The following PLXND1 variants were observed in gnomAD, a reference collection of about 807,000 sequenced individuals.
PLXND1 encodes plexin-D1.
A neutral mutation model predicts 197.7 loss-of-function variants in PLXND1; 54 were observed. The ratio of observed to expected loss-of-function variants is 0.27; its 90% CI spans 0.22 to 0.34. The LOEUF is 0.34. Among genes scored for constraint, PLXND1 ranks in the 10% least tolerant of loss-of-function variants. The pLI, the probability that PLXND1 is intolerant of heterozygous loss-of-function variation, is 1.00. For synonymous variants in PLXND1, 1,180 were observed against 1,161.2 expected, an observed-to-expected ratio of 1.02 and a Z score of -0.33; for missense variants, 2,127 against 2,699.2, an observed-to-expected ratio of 0.79 and a Z score of 4.70.
rs1279339390 is a variant in PLXND1, at chr3:129,557,087, G to A, written c.5582C>T (p.Ser1861Leu). The A allele has an allele frequency of 6.2e-7, 1 of 1,613,442 alleles. No homozygotes were observed. The highest frequency in any genetic ancestry group is 1.1e-5 in the South Asian group (1 of 91,026). Residue 1861 changes from serine to leucine, a missense_variant, in exon 34 of 36, where the codon TCG becomes TTG. Physicochemically the swap from Ser to Leu is moderately radical, Grantham distance 145. This residue lies in a region of PLXND1 where 200 missense variants were observed against 303.3 expected (regional missense o/e 0.66). Coordinates refer to ENST00000324093, the MANE Select transcript of PLXND1 (RefSeq NM_015103.3). This position sits in a 1 kb window ranked among gnomAD's most constrained non-coding sequence, Gnocchi z 4.8. ...CCCGCCGCCGAGCCACCGCACCCTCGACTCCTCGGCCAGATGGGCATTCAT... is the reference window on the plus strand; with the variant it reads ...CCCGCCGCCGAGCCACCGCACCCTCAACTCCTCGGCCAGATGGGCATTCAT... The part of the protein sequence containing the change: ...QEMNAHLAEE[S>L]RKYQNEFNTN...
At chr3:129,602,529 C>T (rs1040214417) in intron 1 of PLXND1, among the ~76,000 whole-genome samples, 5 of 152,220 alleles carry the variant, frequency 3.3e-5, no homozygotes, top group Non-Finnish European at 5.9e-5. Flanking sequence ...GTCCTCGGCT[C>T]ACCTGCCCAG....
In PLXND1 at chr3:129,565,523, C is replaced by T. The variant is rs146537197; in HGVS notation, c.4338G>A (p.Ser1446=). 5.6e-6 allele frequency: 9 copies of T among 1,613,276 alleles called. No individual in the cohort carries two copies. Among genetic ancestry groups the T allele is most frequent in the African/African-American group, 1.3e-5 (1 of 75,042 alleles). The change falls in exon 25 of 36, where the codon TCG becomes TCA. Residue 1446 remains serine, a synonymous_variant. Coordinates refer to ENST00000324093, the MANE Select transcript of PLXND1 (RefSeq NM_015103.3). ...FAVRDRCSLA[S]LLTIALHGKL... is the part of the protein sequence containing the mutation. ...TGCCGTGCAGCGCGATGGTCAGCAG[C>T]GAGGCCAGGCTGCACCTGTGAGCGG...
intron 15 of PLXND1, 100 bp downstream of exon 15, chr3:129,572,509 C>T (rs753666693): frequency 1.2e-5 from 13 of 1,090,242 alleles, no homozygotes; most frequent in South Asian, 1.9e-5. Context: ...AATGAAGACC[C>T]AAGAGAGGCT....
At chr3:129,601,882 C>T (rs1465252802) in intron 1 of PLXND1, among the ~76,000 whole-genome samples, 1 of 152,218 alleles carries the variant, frequency 6.6e-6, no homozygotes, top group Non-Finnish European at 1.5e-5. Context: ...GAGAACAAGG[C>T]CGGCCCCATC....
chr3:129,599,851 C>T (rs1336711555), intron 1 of PLXND1, among the ~76,000 whole-genome samples: 1 of 152,230 alleles, frequency 6.6e-6, no homozygotes, highest in African/African-American at 2.4e-5. Flanking sequence ...AAGAGGACTC[C>T]TGCTTCTATC....
intron 22 of PLXND1, 76 bp from the exon 23 acceptor site, chr3:129,566,707 A>T: frequency 1.1e-6 from 1 of 873,630 alleles, no homozygotes; most frequent in Non-Finnish European, 1.8e-6. Flanking sequence ...TCACACAGAA[A>T]GGGGCACTGG....
At chr3:129,593,604 C>CA (rs1217844955) in intron 1 of PLXND1, among the ~76,000 whole-genome samples, 1 of 152,188 alleles carries the variant, frequency 6.6e-6, no homozygotes, top group Admixed American at 6.5e-5. Flanking sequence ...GGAATGTTTA[C>CA]AAAAGAAAGG....
intron 34 of PLXND1, 172 bp from the exon 35 acceptor site, chr3:129,556,863 G>T: frequency 1.5e-6 from 1 of 689,514 alleles, no homozygotes; most frequent in Non-Finnish European, 2.5e-6. Context: ...GGACCCTGAA[G>T]TCCAATCTCC....
chr3:129,572,800 C>T lies in PLXND1; in HGVS notation c.2937+42G>A, dbSNP rs145993126. ...CCTCGGGCCAGCCCCCGGGAGTGTGCGTGCTGGGCGGGCCGGACAGTGGGC... is the reference window on the plus strand; with the variant it reads ...CCTCGGGCCAGCCCCCGGGAGTGTGTGTGCTGGGCGGGCCGGACAGTGGGC... On this transcript the variant is annotated intron_variant, in intron 14 of 35. Transcript: ENST00000324093. 840 of 1,611,456 alleles carry T rather than the reference C, an allele frequency of 5.2e-4. 4 individuals carry two copies. In the African/African-American group the frequency reaches 8.9e-3, roughly 17 times the overall value.
intron 32 of PLXND1, 168 bp downstream of exon 32, chr3:129,559,452 A>G: frequency 1.7e-6 from 1 of 584,704 alleles, no homozygotes; most frequent in Non-Finnish European, 3.0e-6. Context: ...AGTGGAGGGG[A>G]AACTGAAGCA....
In PLXND1 at chr3:129,558,152, G is replaced by C. The variant is rs76262385; in HGVS notation, c.5445+276C>G. 7.2e-5 allele frequency among the ~76,000 whole-genome samples: 11 copies of C among 152,330 alleles called. No homozygotes were observed. The highest frequency in any genetic ancestry group is 2.4e-4 in the African/African-American group (10 of 41,568). On this transcript the variant is annotated intron_variant, in intron 33 of 35. Transcript: ENST00000324093. The surrounding 1 kb of genome is among the most constrained non-coding windows in gnomAD (Gnocchi z 4.1). The stretch of plus-strand genomic sequence containing the variant: ...GCTCATACTGGCTTTCCCACACCGG[G>C]TTCTCAGGCCTGTGTTCAAAGCCAG...
intron 29 of PLXND1, chr3:129,561,172 C>T: frequency 2.2e-6 from 1 of 464,424 alleles, no homozygotes; most frequent in South Asian, 1.6e-5. Flanking sequence ...CCCAGAGCTC[C>T]TGCCAGCCCA....
Position 129,571,273 on chromosome 3 carries a change from T to C in PLXND1, c.3367A>G (p.Thr1123Ala), listed in dbSNP as rs1292149795. Reference protein sequence around the residue: ...LCKVLNSTLITCPSPGALSNA... With the variant: ...LCKVLNSTLIACPSPGALSNA... ...CTCAGGGCCCCGGGGGACGGGCAGG[T>C]GATGAGGGTGGAGTTGAGAACCTTG... The change falls in exon 18 of 36, where the codon ACC becomes GCC. Residue 1123 changes from threonine to alanine, a missense_variant. Thr to Ala is a moderately conservative substitution (Grantham distance 58). Around this residue, in one of 6 missense-constraint regions of PLXND1, gnomAD observed 532 missense variants for 811.0 expected, o/e 0.66. Coordinates refer to ENST00000324093, the MANE Select transcript of PLXND1 (RefSeq NM_015103.3). 1 of 1,613,218 alleles carries C rather than the reference T, an allele frequency of 6.2e-7. No homozygotes were observed. The highest frequency in any genetic ancestry group is 8.5e-7 in the Non-Finnish European group (1 of 1,179,708).
At chr3:129,571,632 T>C (rs1349904676) in intron 16 of PLXND1, 33 bp from the exon 17 acceptor site, 2 of 1,613,718 alleles carry the variant, frequency 1.2e-6, no homozygotes. Context: ...TCAGTGCACC[T>C]GCAGCCCCAG....
At chr3:129,576,938 C>T (rs1178652640) in intron 9 of PLXND1, among the ~76,000 whole-genome samples, 8 of 152,136 alleles carry the variant, frequency 5.3e-5, no homozygotes, top group Admixed American at 2.0e-4. Context: ...TTGTGTATTA[C>T]GCCAAGCACC....
chr3:129,577,508 C>T lies in PLXND1; in HGVS notation c.2346+821G>A, dbSNP rs2108782051. Among the ~76,000 whole-genome samples, 1 of 152,076 alleles carries T rather than the reference C, an allele frequency of 6.6e-6. No homozygotes were observed. Among genetic ancestry groups the T allele is most frequent in the South Asian group, 2.1e-4 (1 of 4,820 alleles). On this transcript the variant is annotated intron_variant, in intron 9 of 35. Coordinates refer to ENST00000324093, the MANE Select transcript of PLXND1 (RefSeq NM_015103.3). The surrounding 1 kb of genome is among the most constrained non-coding windows in gnomAD (Gnocchi z 5.0). ...GCCCCACCCTAGCCCTCCCAGAGCT[C>T]CAGCCCCTGCCACGAGGCTTCCCGA... is the stretch of plus-strand genomic sequence containing the variant.
At chr3:129,597,235 T>C (rs1032777411) in intron 1 of PLXND1, among the ~76,000 whole-genome samples, 10 of 151,602 alleles carry the variant, frequency 6.6e-5, no homozygotes, top group Non-Finnish European at 1.5e-4. Flanking sequence ...TCCCCGCCCT[T>C]AACCACAGCC....
intron 8 of PLXND1, among the ~76,000 whole-genome samples, chr3:129,580,959 G>T (rs1207338674): frequency 1.3e-5 from 2 of 152,020 alleles, no homozygotes; most frequent in Non-Finnish European, 2.9e-5. Flanking sequence ...CATCCCTCAG[G>T]CACCTGCAAA....
In PLXND1 at chr3:129,577,311, C is replaced by T. The variant is rs1325778460; in HGVS notation, c.2346+1018G>A. 6.6e-6 allele frequency among the ~76,000 whole-genome samples: 1 copy of T among 152,184 alleles called. No individual in the cohort carries two copies. The highest frequency in any genetic ancestry group is 1.5e-5 in the Non-Finnish European group (1 of 68,024). ...CAGCTCGGTCAGAGTGGAGGCTGCC[C>T]CACCACACAGCTGGGAAGAATCGGC... On this transcript the variant is annotated intron_variant, in intron 9 of 35. Transcript: ENST00000324093. The surrounding 1 kb of genome is among the most constrained non-coding windows in gnomAD (Gnocchi z 5.0).
Sources: gnomAD v4.1 joint callset for allele counts (sites outside exome capture counted in the v4.1 genomes callset) on GRCh38, gnomAD v4.1.1 for gene constraint, gnomAD v4.1.1 regional missense constraint, Gnocchi (gnomAD v3.1) non-coding constraint, MANE v1.5 for transcripts, NCBI Gene and HGNC (gene_info 2026-07-23, HGNC 2026-07-21) for gene names.